Variants in FTO observed in about 807,000 individuals in gnomAD.
The protein encoded by FTO is alpha-ketoglutarate-dependent dioxygenase FTO.
In FTO, 47 loss-of-function variants were observed where a neutral mutation model predicts 63.9. The ratio of observed to expected loss-of-function variants is 0.74; its 90% confidence interval spans 0.58 to 0.94. The LOEUF (loss-of-function observed/expected upper bound fraction) is 0.94, where lower values mean the gene tolerates loss of function less well. Among genes scored for constraint, FTO ranks in the 40% least tolerant of loss-of-function variants. The pLI is 0.00. For missense variants in FTO, 562 were observed against 618.1 expected (o/e 0.91, Z 0.96); for synonymous variants, 207 against 224.4 (o/e 0.92, Z 0.69).
chr16:53,826,476 AG>A lies in FTO; in HGVS notation c.737del (p.Ser246IlefsTer35), dbSNP rs1441961899. 6.2e-7 allele frequency: 1 copy of A among 1,614,154 alleles called. No homozygotes were observed. The highest frequency in any genetic ancestry group is 1.1e-5 in the South Asian group (1 of 91,074). On this transcript the variant is annotated frameshift_variant, in exon 3 of 9. Coordinates refer to ENST00000471389, the MANE Select transcript of FTO (RefSeq NM_001080432.3). LOFTEE classifies it high-confidence loss of function. The part of the protein sequence containing the change: ...LVDRSAVAVY[S>X]YSCEGPEEES... ...GGACAGGTCAGCGGTGGCAGTGTACAGTTATAGCTGTGAAGGTACAGTCTGC... is the reference window on the plus strand; with the variant it reads ...GGACAGGTCAGCGGTGGCAGTGTACATTATAGCTGTGAAGGTACAGTCTGC...
chr16:54,094,672 A>T (rs1174177781), intron 8 of FTO, among the ~76,000 whole-genome samples: 2 of 152,246 alleles, frequency 1.3e-5, no homozygotes, highest in Non-Finnish European at 2.9e-5. Flanking sequence ...GCAAAGGCGA[A>T]CAATACATCA....
At chr16:53,902,887 G>A (rs1426358812) in intron 7 of FTO, among the ~76,000 whole-genome samples, 5 of 152,172 alleles carry the variant, frequency 3.3e-5, no homozygotes, top group African/African-American at 1.2e-4. Flanking sequence ...ACTGAGGGGC[G>A]AGGATCACTT....
intron 8 of FTO, among the ~76,000 whole-genome samples, chr16:53,967,556 G>A (rs1029610769): frequency 6.6e-6 from 1 of 152,154 alleles, no homozygotes; most frequent in African/African-American, 2.4e-5. Context: ...GAGCTTACAA[G>A]CCAACGCAGT....
intron 8 of FTO, among the ~76,000 whole-genome samples, chr16:54,088,148 C>A (rs138759305): frequency 6.6e-6 from 1 of 152,322 alleles, no homozygotes; most frequent in Non-Finnish European, 1.5e-5. Context: ...AAATATTCTT[C>A]TATGCATTTA....
chr16:53,926,050 C>T (rs1227214732), intron 7 of FTO, among the ~76,000 whole-genome samples: 5 of 152,040 alleles, frequency 3.3e-5, no homozygotes, highest in Admixed American at 6.6e-5. Context: ...CTTAGGGGTC[C>T]TTAATATGCT....
At chr16:53,874,552 G>A in intron 5 of FTO, among the ~76,000 whole-genome samples, 1 of 152,182 alleles carries the variant, frequency 6.6e-6, no homozygotes, top group African/African-American at 2.4e-5. Context: ...ACCTAAGCTT[G>A]CTATCCATGC....
intron 8 of FTO, among the ~76,000 whole-genome samples, chr16:54,059,959 T>TA (rs1477605397): frequency 5.9e-5 from 9 of 152,298 alleles, no homozygotes; most frequent in African/African-American, 1.9e-4. Flanking sequence ...AAACGTGTTT[T>TA]AAAAAAATAC....
chr16:53,820,682 T>C (rs890284548), intron 2 of FTO, among the ~76,000 whole-genome samples: 14 of 145,616 alleles, frequency 9.6e-5, no homozygotes, highest in Non-Finnish European at 2.1e-4. Context: ...CCTGTGTCCA[T>C]GTGATCTCAT....
intron 1 of FTO, among the ~76,000 whole-genome samples, chr16:53,808,401 T>C (rs988191930): frequency 3.9e-5 from 6 of 152,188 alleles, no homozygotes; most frequent in Non-Finnish European, 7.3e-5. Context: ...AGAAAACACC[T>C]ATAGTCAAAA....
intron 8 of FTO, among the ~76,000 whole-genome samples, chr16:53,949,504 G>A (rs966614792): frequency 6.6e-6 from 1 of 152,148 alleles, no homozygotes; most frequent in African/African-American, 2.4e-5. Context: ...TATTTCATAA[G>A]GGTTCTTAGA....
intron 8 of FTO, among the ~76,000 whole-genome samples, chr16:53,995,950 T>C (rs1192558775): frequency 6.6e-6 from 1 of 152,202 alleles, no homozygotes; most frequent in Non-Finnish European, 1.5e-5. Flanking sequence ...AAGGATTTTC[T>C]TCCTGGTAAA....
chr16:53,876,501 C>A (rs911197517), intron 5 of FTO, among the ~76,000 whole-genome samples: 7 of 152,176 alleles, frequency 4.6e-5, no homozygotes, highest in Non-Finnish European at 8.8e-5. Flanking sequence ...GTAGAGGACC[C>A]ATGGAATGGG....
chr16:53,715,605 A>G (rs952717909), intron 1 of FTO, among the ~76,000 whole-genome samples: 2 of 152,200 alleles, frequency 1.3e-5, no homozygotes, highest in African/African-American at 4.8e-5. Flanking sequence ...TTTTCAGACA[A>G]TGAGGCATAT....
chr16:53,773,365 G>T (rs566362741), intron 1 of FTO, among the ~76,000 whole-genome samples: 2 of 151,996 alleles, frequency 1.3e-5, no homozygotes, highest in South Asian at 2.1e-4. Context: ...ACACAGCCAC[G>T]CCATAGAACA....
At chr16:54,017,746 A>G (rs534825486) in intron 8 of FTO, among the ~76,000 whole-genome samples, 22 of 152,102 alleles carry the variant, frequency 1.4e-4, no homozygotes, top group Non-Finnish European at 2.5e-4. Flanking sequence ...GAAAAATCCA[A>G]CTATTTGTGA....
intron 7 of FTO, among the ~76,000 whole-genome samples, chr16:53,924,695 G>C (rs982240745): frequency 3.9e-5 from 6 of 152,166 alleles, no homozygotes; most frequent in Non-Finnish European, 7.3e-5. Flanking sequence ...TTATCTCTTA[G>C]CCGAGGTCAT....
intron 4 of FTO, among the ~76,000 whole-genome samples, chr16:53,850,910 C>G (rs2079774622): frequency 6.6e-6 from 1 of 151,956 alleles, no homozygotes; most frequent in South Asian, 2.1e-4. Context: ...CGTTTTGCAG[C>G]TTTTGCTCAA....
intron 1 of FTO, among the ~76,000 whole-genome samples, chr16:53,777,544 A>G (rs745780464): frequency 6.6e-6 from 1 of 152,182 alleles, no homozygotes; most frequent in Non-Finnish European, 1.5e-5. Flanking sequence ...TTTACATTCA[A>G]ATGATTTTGT....
At chr16:53,748,160 C>T (rs2076692403) in intron 1 of FTO, among the ~76,000 whole-genome samples, 1 of 151,976 alleles carries the variant, frequency 6.6e-6, no homozygotes, top group South Asian at 2.1e-4. Flanking sequence ...GTGTGTGGTT[C>T]CATATGAATT....
Sources: gnomAD v4.1 joint callset for allele counts (sites outside exome capture counted in the v4.1 genomes callset) on GRCh38, gnomAD v4.1.1 for gene constraint, MANE v1.5 for transcripts, NCBI Gene and HGNC (gene_info 2026-07-23, HGNC 2026-07-21) for gene names.